Variants in SHANK2 observed in about 807,000 individuals in gnomAD.
The protein encoded by SHANK2 is SH3 and multiple ankyrin repeat domains protein 2.
Under a neutral mutation model 133.7 loss-of-function variants are expected in SHANK2, and 43 were observed. That is an observed-to-expected ratio of 0.32 (90% CI 0.25 to 0.41). SHANK2 has a LOEUF of 0.41. Among genes scored for constraint, SHANK2 ranks in the 10% least tolerant of loss-of-function variants. SHANK2 has a pLI of 1.00. For synonymous variants in SHANK2, 1,017 were observed against 952.8 expected (o/e 1.07, Z -1.24); for missense variants, 1,994 against 2,235.8 (o/e 0.89, Z 2.18).
intron 1 of SHANK2, among the ~76,000 whole-genome samples, chr11:71,241,209 A>T (rs1954885682): frequency 6.6e-6 from 1 of 152,266 alleles, no homozygotes; most frequent in Non-Finnish European, 1.5e-5. Context: ...CCTGCAGCAC[A>T]GTCTGAAAGA....
intron 2 of SHANK2, among the ~76,000 whole-genome samples, chr11:71,183,340 C>CG (rs1953601461): frequency 6.6e-6 from 1 of 152,114 alleles, no homozygotes; most frequent in South Asian, 2.1e-4. Context: ...CACTCTCCCC[C>CG]GGGTGAGCAG....
chr11:70,478,602 C>T (rs1037897956), intron 25 of SHANK2, among the ~76,000 whole-genome samples: 1 of 152,182 alleles, frequency 6.6e-6, no homozygotes, highest in African/African-American at 2.4e-5. Flanking sequence ...CCTAGCTTCC[C>T]CGAGGCCTGG....
At chr11:70,680,808 G>T (rs533162140) in intron 15 of SHANK2, among the ~76,000 whole-genome samples, 2 of 152,218 alleles carry the variant, frequency 1.3e-5, no homozygotes, top group African/African-American at 2.4e-5. Context: ...ACAATCTTTC[G>T]CAGATTGTGG....
chr11:70,590,902 C>T (rs528198654), intron 17 of SHANK2, among the ~76,000 whole-genome samples: 3 of 152,282 alleles, frequency 2.0e-5, no homozygotes, highest in East Asian at 1.9e-4. Context: ...CTGGAGTTAA[C>T]GAGGCTCCTC....
chr11:70,892,894 G>T (rs915928177), intron 11 of SHANK2, among the ~76,000 whole-genome samples: 1 of 152,050 alleles, frequency 6.6e-6, no homozygotes, highest in Non-Finnish European at 1.5e-5. Context: ...CTGAGCCTCC[G>T]GGGCCCACAG....
At chr11:71,126,216 CAAAAAAAAAAAAAA>C (rs1170621448) in intron 3 of SHANK2, among the ~76,000 whole-genome samples, 1 of 64,418 alleles carries the variant, frequency 1.6e-5, no homozygotes, top group Non-Finnish European at 2.6e-5. Context: ...GACTCCGTCT[CAAAAAAAAAAAAAA>C]AAAAAAAAAA....
intron 2 of SHANK2, among the ~76,000 whole-genome samples, chr11:71,216,505 G>A (rs1555119942): frequency 1.3e-5 from 2 of 152,120 alleles, no homozygotes; most frequent in African/African-American, 4.8e-5. Context: ...ACTTCTAATG[G>A]TACAGGTTTT....
intron 14 of SHANK2, among the ~76,000 whole-genome samples, chr11:70,735,757 T>C (rs1555033400): frequency 6.7e-6 from 1 of 150,282 alleles, no homozygotes; most frequent in African/African-American, 2.4e-5. Context: ...CGAGTACTCC[T>C]TCTCCCAGTG....
intron 24 of SHANK2, 164 bp downstream of exon 24, chr11:70,489,164 G>T: frequency 1.4e-6 from 1 of 693,872 alleles, no homozygotes; most frequent in Non-Finnish European, 2.6e-6. Context: ...AGGACATTTT[G>T]GCATTGCAAA....
chr11:70,742,427 A>T (rs1243174879), intron 14 of SHANK2, among the ~76,000 whole-genome samples: 1 of 152,196 alleles, frequency 6.6e-6, no homozygotes, highest in Non-Finnish European at 1.5e-5. Flanking sequence ...GCTTTTTCAA[A>T]AGGTAGGCAT....
intron 14 of SHANK2, among the ~76,000 whole-genome samples, chr11:70,720,465 G>A (rs782390062): frequency 6.6e-6 from 1 of 152,192 alleles, no homozygotes; most frequent in African/African-American, 2.4e-5. Flanking sequence ...TGGTGAAAAA[G>A]TGGGGATGGA....
At chr11:70,876,607 A>ACG (rs1201950237) in intron 11 of SHANK2, among the ~76,000 whole-genome samples, 2 of 150,368 alleles carry the variant, frequency 1.3e-5, no homozygotes, top group Admixed American at 6.6e-5. Context: ...ACACACACAC[A>ACG]CACGCACACA....
chr11:70,922,400 A>C (rs1393941073), intron 10 of SHANK2, among the ~76,000 whole-genome samples: 1 of 152,248 alleles, frequency 6.6e-6, no homozygotes, highest in Non-Finnish European at 1.5e-5. Flanking sequence ...AGACTCAAAA[A>C]GCTCTATAAA....
intron 25 of SHANK2, among the ~76,000 whole-genome samples, chr11:70,480,967 G>A (rs2058725482): frequency 6.6e-6 from 1 of 152,206 alleles, no homozygotes; most frequent in Non-Finnish European, 1.5e-5. Context: ...CTCTGGGCTG[G>A]CAGCTGTTGT....
rs868918678 is a variant in SHANK2, at chr11:70,830,323, G to C, written c.1175-9641C>G. 6.6e-6 allele frequency among the ~76,000 whole-genome samples: 1 copy of C among 152,184 alleles called. No homozygotes were observed. Among genetic ancestry groups the C allele is most frequent in the Non-Finnish European group, 1.5e-5 (1 of 68,038 alleles). On this transcript the variant is annotated intron_variant, in intron 11 of 25. Transcript: ENST00000601538. The surrounding 1 kb of genome is among the most constrained non-coding windows in gnomAD (Gnocchi z 4.4). Reference sequence around the variant, plus strand: ...CCTGGCTGGGAGGGAAGTTCTGTGTGGACAAATGTTCCGTGTGAGTGTTTG... The same window carrying C: ...CCTGGCTGGGAGGGAAGTTCTGTGTCGACAAATGTTCCGTGTGAGTGTTTG...
At chr11:70,494,418 T>C (rs894992556) in intron 21 of SHANK2, among the ~76,000 whole-genome samples, 4 of 152,136 alleles carry the variant, frequency 2.6e-5, no homozygotes, top group Admixed American at 2.0e-4. Flanking sequence ...CTCAGCCTCC[T>C]GAGTAGCTGG....
chr11:70,805,280 G>C (rs1255312608), intron 13 of SHANK2, among the ~76,000 whole-genome samples: 1 of 152,216 alleles, frequency 6.6e-6, no homozygotes, highest in East Asian at 1.9e-4. Context: ...AATAGGGACA[G>C]GCCTGGACAA....
At chr11:71,228,634 T>C (rs963995107) in intron 1 of SHANK2, among the ~76,000 whole-genome samples, 3 of 152,198 alleles carry the variant, frequency 2.0e-5, no homozygotes, top group African/African-American at 7.2e-5. Flanking sequence ...AGTGGGTGCC[T>C]GTAATCCCAG....
At chr11:70,489,745 C>G (rs1555155250) in intron 23 of SHANK2, 1 of 310,042 alleles carries the variant, frequency 3.2e-6, no homozygotes, top group African/African-American at 2.1e-5. Flanking sequence ...GTACCTTTGC[C>G]TGCAACAGGG....
Sources: allele counts gnomAD v4.1 joint callset (sites outside exome capture counted in the v4.1 genomes callset), GRCh38; gene constraint gnomAD v4.1.1; non-coding constraint Gnocchi (gnomAD v3.1); transcripts MANE v1.5; gene names NCBI Gene and HGNC (gene_info 2026-07-23, HGNC 2026-07-21).